TRAF3: variants seen among roughly 807,000 people sequenced by gnomAD.
TRAF3 encodes TNF receptor-associated factor 3.
A neutral mutation model predicts 62.3 loss-of-function variants in TRAF3; 13 were observed. The observed-to-expected ratio is 0.21, with a 90% CI of 0.14 to 0.33. The LOEUF is 0.33. Ranked by LOEUF, TRAF3 falls within the 10% of genes least tolerant of loss-of-function variation. The pLI is 1.00. For synonymous variants in TRAF3, 269 were observed against 283.4 expected, an observed-to-expected ratio of 0.95 and a Z score of 0.51; for missense variants, 440 against 741.8, an observed-to-expected ratio of 0.59 and a Z score of 4.73.
intron 1 of TRAF3, among the ~76,000 whole-genome samples, chr14:102,781,215 C>T (rs1021781301): frequency 6.6e-5 from 10 of 152,188 alleles, no homozygotes; most frequent in African/African-American, 1.4e-4. Context: ...TGGGATCTGA[C>T]GGCTTGCCAT....
Position 102,825,148 on chromosome 14 carries a change from C to T in TRAF3, c.-156-5186C>T, listed in dbSNP as rs550188968. Among the ~76,000 whole-genome samples the T allele has an allele frequency of 1.1e-4, 17 of 152,334 alleles. No individual in the cohort carries two copies. The East Asian group carries it at 2.9e-3, about 26-fold the overall frequency. ...TGCCCACGCTGTGAGGACACCGGGC[C>T]GTGCCTTCGCCAGGAGGAGGTCATG... On this transcript the variant is annotated intron_variant, in intron 1 of 11. Coordinates refer to ENST00000392745, the MANE Select transcript of TRAF3 (RefSeq NM_145725.3).
chr14:102,820,521 G>A (rs1899832831), intron 1 of TRAF3, among the ~76,000 whole-genome samples: 1 of 133,024 alleles, frequency 7.5e-6, no homozygotes, highest in South Asian at 2.4e-4. Context: ...TTTTGATGTA[G>A]GTAGGTACCT....
intron 2 of TRAF3, among the ~76,000 whole-genome samples, chr14:102,866,850 AACACACACACACACACAC>A (rs538121314): frequency 2.3e-5 from 3 of 132,226 alleles, no homozygotes; most frequent in South Asian, 2.4e-4. Context: ...ATCTCTTGAA[AACACACACACACACACAC>A]ACACACACAC....
chr14:102,817,143 G>A (rs1481380076), intron 1 of TRAF3, among the ~76,000 whole-genome samples: 2 of 152,104 alleles, frequency 1.3e-5, no homozygotes, highest in Non-Finnish European at 2.9e-5. Flanking sequence ...AAGTGGAGAT[G>A]TTGAGTTGGT....
At chr14:102,792,649 T>G (rs1897866992) in intron 1 of TRAF3, among the ~76,000 whole-genome samples, 1 of 151,996 alleles carries the variant, frequency 6.6e-6, no homozygotes, top group Non-Finnish European at 1.5e-5. Flanking sequence ...TGATCATATT[T>G]TTTTCATTGT....
chr14:102,789,781 T>G, intron 1 of TRAF3, among the ~76,000 whole-genome samples: 1 of 147,500 alleles, frequency 6.8e-6, no homozygotes, highest in Non-Finnish European at 1.5e-5. Context: ...AAGACAATGT[T>G]TGTTGAGTTC....
At chr14:102,781,479 T>C (rs1216954438) in intron 1 of TRAF3, among the ~76,000 whole-genome samples, 1 of 152,140 alleles carries the variant, frequency 6.6e-6, no homozygotes, top group Non-Finnish European at 1.5e-5. Flanking sequence ...GTCTCCAAAG[T>C]GGCAGGGGAA....
At chr14:102,862,732 A>G (rs1182936975) in intron 2 of TRAF3, among the ~76,000 whole-genome samples, 1 of 152,054 alleles carries the variant, frequency 6.6e-6, no homozygotes, top group Non-Finnish European at 1.5e-5. Context: ...CTAAGACCCT[A>G]TAATATGTAT....
intron 1 of TRAF3, among the ~76,000 whole-genome samples, chr14:102,797,516 G>T (rs765990414): frequency 1.3e-5 from 2 of 152,136 alleles, no homozygotes; most frequent in African/African-American, 2.4e-5. Flanking sequence ...CAGAAACCCC[G>T]CAGTGGAAGG....
At chr14:102,783,903 T>A (rs1231335678) in intron 1 of TRAF3, among the ~76,000 whole-genome samples, 1 of 152,214 alleles carries the variant, frequency 6.6e-6, no homozygotes, top group Non-Finnish European at 1.5e-5. Context: ...GGACATCACT[T>A]GCTTATTATG....
intron 1 of TRAF3, among the ~76,000 whole-genome samples, chr14:102,820,599 TATATATATATATATA>T (rs1238042004): frequency 0.036 from 479 of 13,242 alleles, 13 homozygotes; most frequent in African/African-American, 0.12. Flanking sequence ...TATATATATA[TATATATATATATATA>T]TTTTTTTTTT....
chr14:102,858,359 G>A (rs1566779075), intron 2 of TRAF3, among the ~76,000 whole-genome samples: 2 of 152,082 alleles, frequency 1.3e-5, no homozygotes, highest in Non-Finnish European at 2.9e-5. Context: ...CACCACATTG[G>A]TCATGCTGGT....
chr14:102,839,895 C>G (rs936209736), intron 2 of TRAF3, among the ~76,000 whole-genome samples: 20 of 152,180 alleles, frequency 1.3e-4, no homozygotes, highest in African/African-American at 2.4e-5. Context: ...CATAATGTTT[C>G]ACATCGAAGT....
chr14:102,815,616 G>A (rs1219445139), intron 1 of TRAF3, among the ~76,000 whole-genome samples: 1 of 152,164 alleles, frequency 6.6e-6, no homozygotes, highest in Non-Finnish European at 1.5e-5. Flanking sequence ...TTTACATTTT[G>A]TAGTTCATTT....
At chr14:102,897,456 C>T (rs975958888) in intron 10 of TRAF3, 55 bp downstream of exon 10, 7 of 1,604,850 alleles carry the variant, frequency 4.4e-6, no homozygotes, top group African/African-American at 1.3e-5. Flanking sequence ...TGCCTGTGTT[C>T]CCCTTAAGGG....
At chr14:102,895,931 G>T (rs1164944859) in intron 9 of TRAF3, among the ~76,000 whole-genome samples, 1 of 152,098 alleles carries the variant, frequency 6.6e-6, no homozygotes, top group Non-Finnish European at 1.5e-5. Context: ...GAGCAGGCTG[G>T]CCCCAAGGGT....
intron 2 of TRAF3, among the ~76,000 whole-genome samples, chr14:102,833,381 T>G (rs1885769921): frequency 6.6e-6 from 1 of 152,262 alleles, no homozygotes; most frequent in African/African-American, 2.4e-5. Flanking sequence ...ATTGAATATT[T>G]CTATTTTCTC....
intron 10 of TRAF3, among the ~76,000 whole-genome samples, chr14:102,902,647 C>T (rs1057367633): frequency 2.0e-5 from 3 of 152,166 alleles, no homozygotes; most frequent in East Asian, 1.9e-4. Context: ...CCGAGGTATA[C>T]GAGGGCTGCA....
chr14:102,784,474 C>T (rs528414840), intron 1 of TRAF3, among the ~76,000 whole-genome samples: 5 of 152,230 alleles, frequency 3.3e-5, no homozygotes, highest in Admixed American at 6.5e-5. Context: ...CTGCCCGCCT[C>T]GGCCTCCCAA....
Sources: allele counts gnomAD v4.1 joint callset (sites outside exome capture counted in the v4.1 genomes callset), GRCh38; gene constraint gnomAD v4.1.1; transcripts MANE v1.5; gene names NCBI Gene and HGNC (gene_info 2026-07-23, HGNC 2026-07-21).